Variants in SLC2A13 observed in about 807,000 individuals in gnomAD.
The protein encoded by SLC2A13 is proton myo-inositol cotransporter.
In SLC2A13, 32 loss-of-function variants were observed where a neutral mutation model predicts 64.4. The observed-to-expected ratio is 0.50, with a 90% CI of 0.37 to 0.67. The LOEUF (loss-of-function observed/expected upper bound fraction) is 0.67. Ranked by LOEUF, SLC2A13 falls within the 30% of genes least tolerant of loss-of-function variation. The probability of loss-of-function intolerance (pLI) is 0.00; values close to 1 mark genes in which losing one functional copy is unlikely to be tolerated. For synonymous variants in SLC2A13, 338 were observed against 327.1 expected (o/e 1.03, Z -0.36); for missense variants, 743 against 829.2 (o/e 0.90, Z 1.28).
At chr12:39,989,286 C>G (rs1292044261) in intron 3 of SLC2A13, among the ~76,000 whole-genome samples, 2 of 152,178 alleles carry the variant, frequency 1.3e-5, no homozygotes, top group African/African-American at 4.8e-5. Context: ...TCTGACTTTC[C>G]TGGACCAACC....
chr12:40,093,877 C>T (rs1938846851), intron 1 of SLC2A13, among the ~76,000 whole-genome samples: 1 of 152,030 alleles, frequency 6.6e-6, no homozygotes, highest in Non-Finnish European at 1.5e-5. Flanking sequence ...AGGTGGGGAG[C>T]TAATCAGGGG....
intron 4 of SLC2A13, among the ~76,000 whole-genome samples, chr12:39,879,083 T>C (rs1944272202): frequency 1.3e-5 from 2 of 152,274 alleles, no homozygotes; most frequent in Non-Finnish European, 2.9e-5. Context: ...AGCCTTGCTG[T>C]CTTCTACATG....
At chr12:39,816,152 T>C (rs1421114984) in intron 7 of SLC2A13, among the ~76,000 whole-genome samples, 1 of 152,192 alleles carries the variant, frequency 6.6e-6, no homozygotes, top group Non-Finnish European at 1.5e-5. Flanking sequence ...TTAAGTTTTG[T>C]GAACTTGGGG....
intron 4 of SLC2A13, among the ~76,000 whole-genome samples, chr12:39,938,413 A>AAC (rs1555139783): frequency 6.6e-6 from 1 of 151,714 alleles, no homozygotes; most frequent in East Asian, 1.9e-4. Context: ...TAAAAAAAAA[A>AAC]ACACAACAAA....
intron 6 of SLC2A13, among the ~76,000 whole-genome samples, chr12:39,855,573 G>GT (rs933983922): frequency 1.2e-4 from 18 of 151,886 alleles, no homozygotes; most frequent in Non-Finnish European, 1.6e-4. Flanking sequence ...GAGGAAGGCT[G>GT]TTTTTTTTGT....
intron 1 of SLC2A13, among the ~76,000 whole-genome samples, chr12:40,071,603 G>A (rs1937960786): frequency 6.6e-6 from 1 of 152,046 alleles, no homozygotes; most frequent in Admixed American, 6.6e-5. Flanking sequence ...TTAAATCTTT[G>A]CTAGAATTCA....
intron 5 of SLC2A13, among the ~76,000 whole-genome samples, chr12:39,866,570 C>A (rs376169378): frequency 3.9e-5 from 6 of 152,252 alleles, no homozygotes; most frequent in South Asian, 2.1e-4. Flanking sequence ...GCTCCGCCCC[C>A]CGGGGTTCAC....
At chr12:40,001,376 G>T (rs1480844859) in intron 3 of SLC2A13, among the ~76,000 whole-genome samples, 2 of 152,210 alleles carry the variant, frequency 1.3e-5, no homozygotes, top group Non-Finnish European at 2.9e-5. Context: ...AAAAAGTCAG[G>T]TGAATGGATG....
intron 4 of SLC2A13, among the ~76,000 whole-genome samples, chr12:39,889,901 T>G (rs568987189): frequency 4.1e-4 from 62 of 152,312 alleles, no homozygotes; most frequent in African/African-American, 1.5e-3. Context: ...CTCTCTATAA[T>G]CATTTTTACT....
At chr12:40,050,227 A>G (rs17489260) in intron 1 of SLC2A13, among the ~76,000 whole-genome samples, 62 of 152,308 alleles carry the variant, frequency 4.1e-4, no homozygotes, top group African/African-American at 1.4e-3. Flanking sequence ...TTTTTCTGCT[A>G]TGGTCTGACT....
chr12:40,065,858 T>C, intron 1 of SLC2A13, among the ~76,000 whole-genome samples: 1 of 152,186 alleles, frequency 6.6e-6, no homozygotes, highest in East Asian at 1.9e-4. Context: ...CAAAAGCACG[T>C]TGAAATAGTT....
chr12:39,954,628 C>T (rs1294522111), intron 3 of SLC2A13, among the ~76,000 whole-genome samples: 2 of 152,070 alleles, frequency 1.3e-5, no homozygotes, highest in African/African-American at 2.4e-5. Flanking sequence ...TACTTGAATG[C>T]CATCTAAAAC....
intron 4 of SLC2A13, among the ~76,000 whole-genome samples, chr12:39,919,697 ACT>A (rs1223814859): frequency 2.6e-5 from 4 of 152,102 alleles, no homozygotes; most frequent in African/African-American, 9.7e-5. Context: ...CCCAAGGGGT[ACT>A]GACAATATTT....
At chr12:40,074,453 T>C (rs951870949) in intron 1 of SLC2A13, among the ~76,000 whole-genome samples, 1 of 152,096 alleles carries the variant, frequency 6.6e-6, no homozygotes, top group African/African-American at 2.4e-5. Context: ...AGGGATGAAC[T>C]GCTGCACCCA....
At chr12:39,921,743 T>A (rs1945618438) in intron 4 of SLC2A13, among the ~76,000 whole-genome samples, 1 of 152,158 alleles carries the variant, frequency 6.6e-6, no homozygotes, top group African/African-American at 2.4e-5. Context: ...TGGATGTGTA[T>A]TTTAAACATT....
chr12:39,796,723 G>C (rs1028154221), intron 7 of SLC2A13, among the ~76,000 whole-genome samples: 9 of 152,072 alleles, frequency 5.9e-5, no homozygotes, highest in Non-Finnish European at 1.3e-4. Context: ...TGTTTAGATG[G>C]GTCTTTTGGT....
chr12:39,993,148 A>C (rs2136169658), intron 3 of SLC2A13, among the ~76,000 whole-genome samples: 1 of 152,354 alleles, frequency 6.6e-6, no homozygotes, highest in South Asian at 2.1e-4. Context: ...TAAAGATTTT[A>C]ATTCTCAAAT....
intron 1 of SLC2A13, among the ~76,000 whole-genome samples, chr12:40,058,560 G>A (rs570050092): frequency 1.3e-5 from 2 of 152,048 alleles, no homozygotes; most frequent in African/African-American, 2.4e-5. Flanking sequence ...GAGAGGGAAC[G>A]TCATTTGATT....
intron 2 of SLC2A13, among the ~76,000 whole-genome samples, chr12:40,041,688 C>A (rs898005239): frequency 1.1e-4 from 16 of 152,240 alleles, no homozygotes; most frequent in Admixed American, 7.9e-4. Flanking sequence ...TCCACACCAA[C>A]TGATGACTCC....
Sources: allele counts gnomAD v4.1 joint callset (sites outside exome capture counted in the v4.1 genomes callset), GRCh38; gene constraint gnomAD v4.1.1; transcripts MANE v1.5; gene names NCBI Gene and HGNC (gene_info 2026-07-23, HGNC 2026-07-21).